PVT1: variants seen among roughly 807,000 people sequenced by gnomAD.
The protein encoded by PVT1 is CXCR4/PVT1 fusion.
intron 2 of PVT1, among the ~76,000 whole-genome samples, chr8:127,855,746 A>G (rs188439051): frequency 1.9e-4 from 29 of 152,366 alleles, no homozygotes; most frequent in Non-Finnish European, 3.7e-4. Context: ...TGTTTGGAAC[A>G]AGTATCCTTT....
intron 4 of PVT1, among the ~76,000 whole-genome samples, chr8:128,065,135 G>T (rs1409022155): frequency 6.6e-6 from 1 of 152,196 alleles, no homozygotes; most frequent in Non-Finnish European, 1.5e-5. Flanking sequence ...CAATGTACGT[G>T]CATGTGCATG....
intron 2 of PVT1, among the ~76,000 whole-genome samples, chr8:127,850,657 A>AT: frequency 6.6e-6 from 1 of 152,320 alleles, no homozygotes; most frequent in Non-Finnish European, 1.5e-5. Flanking sequence ...TTATTCTTTC[A>AT]TTTTTTATGT....
chr8:127,799,098 T>C (rs1419974302), intron 2 of PVT1, among the ~76,000 whole-genome samples: 1 of 152,034 alleles, frequency 6.6e-6, no homozygotes, highest in African/African-American at 2.4e-5. Flanking sequence ...TTTTTTCCTT[T>C]ATCTTTTCCT....
rs184453787 is a variant in PVT1 at position 127,935,090 on chromosome 8, C to T, written n.782+44092C>T. 3.8e-3 allele frequency among the ~76,000 whole-genome samples: 572 copies of T among 152,196 alleles called. 7 individuals carry two copies. The highest frequency in any genetic ancestry group is 0.013 in the African/African-American group (542 of 41,482). On this transcript the variant is annotated intron_variant and non_coding_transcript_variant, in intron 3 of 10. Transcript: ENST00000651587. ...CAAGCCATTCTCCTGCCTCAGCCGCCGTAGTAGCTGGGATTACAGGCATGC... is the reference window on the plus strand; with the variant it reads ...CAAGCCATTCTCCTGCCTCAGCCGCTGTAGTAGCTGGGATTACAGGCATGC...
intron 2 of PVT1, among the ~76,000 whole-genome samples, chr8:127,875,370 TC>T (rs928926249): frequency 1.2e-4 from 18 of 151,736 alleles, no homozygotes; most frequent in Middle Eastern, 3.4e-3. Context: ...TCTGTCTCTC[TC>T]TCTCTCTCTC....
intron 3 of PVT1, among the ~76,000 whole-genome samples, chr8:127,904,428 C>T (rs554318587): frequency 1.7e-4 from 25 of 150,940 alleles, no homozygotes; most frequent in African/African-American, 4.1e-4. Flanking sequence ...AATGATGTGA[C>T]CCATTCTGGG....
intron 2 of PVT1, among the ~76,000 whole-genome samples, chr8:127,880,538 C>T (rs901817070): frequency 2.8e-4 from 42 of 151,016 alleles, no homozygotes; most frequent in Admixed American, 2.4e-3. Context: ...CCTCATGATC[C>T]GCCTGTCTCG....
intron 2 of PVT1, among the ~76,000 whole-genome samples, chr8:127,880,716 T>C (rs1343154382): frequency 6.6e-6 from 1 of 151,736 alleles, no homozygotes; most frequent in East Asian, 1.9e-4. Context: ...TTATCCTGCC[T>C]TAGCCTCCCG....
rs1563653363 is a variant in PVT1 at position 127,970,299 on chromosome 8, T to TG, written n.783-18863_783-18862insG. Reference sequence around the variant, plus strand: ...CATCTGCCATGATTTGTTTTTTTTTTTTTTTTTTTTTTTTTTGAGATAGAG... The same window carrying TG: ...CATCTGCCATGATTTGTTTTTTTTTTGTTTTTTTTTTTTTTTTGAGATAGAG... On this transcript the variant is annotated intron_variant and non_coding_transcript_variant, in intron 3 of 10. Transcript: ENST00000651587. Among the ~76,000 whole-genome samples, 268 of 122,388 alleles carry TG rather than the reference T, an allele frequency of 2.2e-3. 5 individuals are homozygous for TG. Among genetic ancestry groups the TG allele is most frequent in the African/African-American group, 7.8e-3 (258 of 33,036 alleles). The allele number at this position is 122,388 out of a possible 152,430, so 80.3% of individuals were successfully genotyped here. A position where few individuals can be genotyped will look rare whatever the true frequency, so the allele number is the denominator to read the frequency against.
At chr8:127,969,381 G>A (rs764334304) in intron 3 of PVT1, among the ~76,000 whole-genome samples, 5 of 152,116 alleles carry the variant, frequency 3.3e-5, no homozygotes, top group Non-Finnish European at 7.4e-5. Flanking sequence ...CTGGCCGAGA[G>A]CTTTTCTGAC....
chr8:127,880,175 A>T (rs1266674726), intron 2 of PVT1, among the ~76,000 whole-genome samples: 1 of 152,168 alleles, frequency 6.6e-6, no homozygotes, highest in Non-Finnish European at 1.5e-5. Context: ...AAGCTCCATG[A>T]AGTCAGGATT....
At chr8:127,865,797 G>T (rs924550747) in intron 2 of PVT1, among the ~76,000 whole-genome samples, 2 of 152,200 alleles carry the variant, frequency 1.3e-5, no homozygotes, top group Non-Finnish European at 2.9e-5. Context: ...TGCAATGGGC[G>T]CAGCATTTGA....
intron 3 of PVT1, among the ~76,000 whole-genome samples, chr8:127,952,974 C>T (rs1457204110): frequency 3.3e-5 from 5 of 152,240 alleles, no homozygotes; most frequent in South Asian, 4.1e-4. Context: ...CCATGTTGGC[C>T]AGGATGGTCT....
chr8:127,805,796 A>G (rs1164293642), intron 2 of PVT1, among the ~76,000 whole-genome samples: 5 of 152,196 alleles, frequency 3.3e-5, no homozygotes, highest in South Asian at 2.1e-4. Context: ...ATGAAATAAT[A>G]TGTACTAGAA....
chr8:128,089,667 TG>T (rs768787875), intron 5 of PVT1, among the ~76,000 whole-genome samples: 33 of 151,888 alleles, frequency 2.2e-4, no homozygotes, highest in African/African-American at 5.8e-4. Flanking sequence ...TAGCAGGGTG[TG>T]GGGGGGGTCA....
intron 5 of PVT1, among the ~76,000 whole-genome samples, chr8:128,088,977 A>G (rs1380213716): frequency 6.6e-6 from 1 of 152,212 alleles, no homozygotes; most frequent in Non-Finnish European, 1.5e-5. Context: ...TGCTGTGCCA[A>G]CTTGTCCTCC....
chr8:128,034,020 C>T (rs1321793945), intron 4 of PVT1, among the ~76,000 whole-genome samples: 3 of 151,324 alleles, frequency 2.0e-5, no homozygotes, highest in South Asian at 2.1e-4. Flanking sequence ...CCAGCCCTGC[C>T]GAGCTGTGAG....
rs1004947402 is a variant in PVT1, at chr8:127,913,106, T to C, written n.782+22108T>C. On this transcript the variant is annotated intron_variant and non_coding_transcript_variant, in intron 3 of 10. Transcript: ENST00000651587. ...CTCAAGTGATCCGCTTGCCTCGGCCTCCCAAAGTGCTGGGATTACTGGTGT... is the reference window on the plus strand; with the variant it reads ...CTCAAGTGATCCGCTTGCCTCGGCCCCCCAAAGTGCTGGGATTACTGGTGT... 4.6e-5 allele frequency among the ~76,000 whole-genome samples: 7 copies of C among 152,150 alleles called. No homozygotes were observed. In the South Asian group the frequency reaches 6.2e-4, roughly 14 times the overall value.
intron 5 of PVT1, among the ~76,000 whole-genome samples, chr8:128,073,973 C>T (rs1171695656): frequency 6.6e-6 from 1 of 152,044 alleles, no homozygotes. Flanking sequence ...TGGAAGGTGT[C>T]CTTGTGCTAG....
Sources: gnomAD v4.1 joint callset for allele counts (sites outside exome capture counted in the v4.1 genomes callset) on GRCh38, gnomAD v4.1.1 for gene constraint, MANE v1.5 for transcripts, NCBI Gene and HGNC (gene_info 2026-07-23, HGNC 2026-07-21) for gene names.